KIF11: variants seen among roughly 807,000 people sequenced by gnomAD.
The protein encoded by KIF11 is kinesin family member 11.
Under a neutral mutation model 121.0 loss-of-function variants are expected in KIF11, and 9 were observed. The observed-to-expected ratio is 0.07, with a 90% CI of 0.04 to 0.13. The LOEUF is 0.13. Ranked by LOEUF, KIF11 falls within the 10% of genes least tolerant of loss-of-function variation. The pLI, the probability that KIF11 is intolerant of heterozygous loss-of-function variation, is 1.00. For synonymous variants in KIF11, 408 were observed against 421.0 expected, an observed-to-expected ratio of 0.97 and a Z score of 0.38; for missense variants, 846 against 1,217.5, an observed-to-expected ratio of 0.69 and a Z score of 4.54.
At chr10:92,597,793 A>C (rs1489835926) in intron 1 of KIF11, among the ~76,000 whole-genome samples, 1 of 151,792 alleles carries the variant, frequency 6.6e-6, no homozygotes, top group African/African-American at 2.4e-5. Context: ...CTGGGATTAC[A>C]GGCATGCGCC....
In KIF11 at chr10:92,637,254, A is replaced by G; in HGVS notation, c.1946A>G (p.Lys649Arg). The part of the protein sequence containing the change: ...ILSPTVVSIL[K>R]INSQLKHIFK... ...TCCCCAACTGTGGTGTCTATACTGA[A>G]AATCAATAGTCAACTAAAGCATATT... Residue 649 changes from lysine to arginine, a missense_variant, in exon 15 of 22, where the codon AAA becomes AGA. This residue lies in a region of KIF11 where 492 missense variants were observed against 603.4 expected (regional missense o/e 0.82). Coordinates refer to ENST00000260731, the MANE Select transcript of KIF11 (RefSeq NM_004523.4). The G allele has an allele frequency of 6.3e-7, 1 of 1,590,508 alleles. No individual in the cohort carries two copies. Among genetic ancestry groups the G allele is most frequent in the African/African-American group, 1.4e-5 (1 of 73,314 alleles).
Position 92,606,702 on chromosome 10 carries a change from T to C in KIF11, c.294T>C (p.Asn98=), listed in dbSNP as rs752983538. The change falls in exon 3 of 22, where the codon AAT becomes AAC. Residue 98 remains asparagine (N), a synonymous_variant. Coordinates refer to ENST00000260731, the MANE Select transcript of KIF11 (RefSeq NM_004523.4). The part of the protein sequence containing the change: ...PILDEVIMGY[N]CTIFAYGQTG... Reference sequence around the variant, plus strand: ...TGGATGAAGTTATTATGGGCTATAATTGCACTATCTTTGCGTAAGTAAAAG... The same window carrying C: ...TGGATGAAGTTATTATGGGCTATAACTGCACTATCTTTGCGTAAGTAAAAG... 4.0e-6 allele frequency: 6 copies of C among 1,486,852 alleles called. No homozygotes were observed. The highest frequency in any genetic ancestry group is 1.4e-5 in the African/African-American group (1 of 72,190). 92.1% of individuals were successfully genotyped at this position (1,486,852 alleles called of 1,614,324 possible).
rs1554863366 is a variant in KIF11, at chr10:92,651,507, G to GTATTTTTTTTTTTTTT, written c.3039+991_3039+992insATTTTTTTTTTTTTTT. The stretch of plus-strand genomic sequence containing the variant: ...TGTGCCACCATGCCTGGCTAATTTT[G>GTATTTTTTTTTTTTTT]TTTTTTTTTTTTTTTTTTTTTTTTT... On this transcript the variant is annotated intron_variant, in intron 21 of 21. Coordinates refer to ENST00000260731, the MANE Select transcript of KIF11 (RefSeq NM_004523.4). 1.9e-4 allele frequency among the ~76,000 whole-genome samples: 10 copies of GTATTTTTTTTTTTTTT among 52,974 alleles called. 2 individuals are homozygous for GTATTTTTTTTTTTTTT. The highest frequency in any genetic ancestry group is 9.2e-4 in the East Asian group (1 of 1,084). 34.8% of individuals were successfully genotyped at this position (52,974 alleles called of 152,430 possible). A position where few individuals can be genotyped will look rare whatever the true frequency, so the allele number is the denominator to read the frequency against.
chr10:92,615,111 A>C (rs1453217172), intron 8 of KIF11, among the ~76,000 whole-genome samples: 1 of 151,958 alleles, frequency 6.6e-6, no homozygotes, highest in Non-Finnish European at 1.5e-5. Flanking sequence ...GGATTTTAAA[A>C]AGCTTTTTTA....
At position 92,648,294 on chromosome 10, in the gene KIF11, A is replaced by G. The variant is rs567157876; in HGVS notation, c.2630A>G (p.His877Arg). The stretch of plus-strand genomic sequence containing the variant: ...CGTAAGGCAGCTCATGAGAAACAGC[A>G]TAACATTTTTCTTGATCAGATGACT... ...DGRKAAHEKQ[H>R]NIFLDQMTID... The change falls in exon 19 of 22, where the codon CAT becomes CGT. Residue 877 changes from histidine (H) to arginine (R), a missense_variant. His to Arg is a conservative substitution (Grantham distance 29). This residue lies in a region of KIF11 where 492 missense variants were observed against 603.4 expected (regional missense o/e 0.82). Coordinates refer to ENST00000260731, the MANE Select transcript of KIF11 (RefSeq NM_004523.4). 3.1e-6 allele frequency: 5 copies of G among 1,613,430 alleles called. No homozygotes were observed. The South Asian group carries it at 4.4e-5, about 14-fold the overall frequency.
intron 12 of KIF11, among the ~76,000 whole-genome samples, 168 bp downstream of exon 12, chr10:92,630,532 G>A (rs1241107012): frequency 6.6e-6 from 1 of 152,012 alleles, no homozygotes; most frequent in African/African-American, 2.4e-5. Context: ...TGGAGATGTC[G>A]ACTTATGAAA....
intron 8 of KIF11, 32 bp from the exon 9 acceptor site, chr10:92,616,705 C>G (rs1236089453): frequency 9.2e-7 from 1 of 1,083,816 alleles, no homozygotes; most frequent in African/African-American, 1.6e-5. Flanking sequence ...CTCACAATAT[C>G]TTCAGTAATT....
At chr10:92,618,987 A>G (rs371413744) in intron 9 of KIF11, among the ~76,000 whole-genome samples, 1 of 152,004 alleles carries the variant, frequency 6.6e-6, no homozygotes, top group African/African-American at 2.4e-5. Context: ...ATCATACATT[A>G]TGTAAACGTT....
At chr10:92,615,985 G>GC (rs201494681) in intron 8 of KIF11, among the ~76,000 whole-genome samples, 29,077 of 151,252 alleles carry the variant, frequency 0.19, 4,730 homozygotes, top group African/African-American at 0.44. Context: ...GATTACAGGC[G>GC]CCACCACCAT....
At chr10:92,625,478 A>T (rs1844665670) in intron 10 of KIF11, among the ~76,000 whole-genome samples, 1 of 151,562 alleles carries the variant, frequency 6.6e-6, no homozygotes, top group Admixed American at 6.6e-5. Context: ...CCTCCGAAGT[A>T]GCTGGGATTA....
chr10:92,617,246 A>G (rs1844566641), intron 9 of KIF11, among the ~76,000 whole-genome samples: 1 of 152,252 alleles, frequency 6.6e-6, no homozygotes, highest in Non-Finnish European at 1.5e-5. Flanking sequence ...CTCCTTTACA[A>G]TCATGTGGCC....
intron 9 of KIF11, among the ~76,000 whole-genome samples, chr10:92,620,625 A>T (rs1844606730): frequency 6.6e-6 from 1 of 152,192 alleles, no homozygotes; most frequent in African/African-American, 2.4e-5. Context: ...AGACTGGGCA[A>T]TTTACAAAAG....
chr10:92,640,008 C>G (rs1844847878), intron 17 of KIF11, 108 bp downstream of exon 17: 3 of 587,418 alleles, frequency 5.1e-6, no homozygotes, highest in Admixed American at 3.2e-5. Flanking sequence ...TCAAATTTCT[C>G]TTTTGTTAAT....
In KIF11 at chr10:92,637,232, C is replaced by G. The variant is rs79865214; in HGVS notation, c.1924C>G (p.Pro642Ala). The change falls in exon 15 of 22, where the codon CCA (proline) becomes GCA (alanine). Residue 642 changes from proline to alanine, a missense_variant. Pro to Ala is a conservative substitution (Grantham distance 27). Transcript: ENST00000260731. The part of the protein sequence containing the change: ...LLSSLEMILS[P>A]TVVSILKINS... The stretch of plus-strand genomic sequence containing the variant: ...AAGTTCACTGGAAATGATTTTATCC[C>G]CAACTGTGGTGTCTATACTGAAAAT... 2.6e-4 allele frequency: 417 copies of G among 1,585,094 alleles called. No individual in the cohort carries two copies. In the East Asian group the frequency reaches 7.0e-3, roughly 26 times the overall value.
At chr10:92,595,722 A>G (rs907878492) in intron 1 of KIF11, among the ~76,000 whole-genome samples, 2 of 152,094 alleles carry the variant, frequency 1.3e-5, no homozygotes, top group African/African-American at 2.4e-5. Context: ...ACATTAAACA[A>G]TAACTCCCCA....
chr10:92,645,054 G>A (rs932596074), intron 17 of KIF11, among the ~76,000 whole-genome samples: 1 of 152,218 alleles, frequency 6.6e-6, no homozygotes, highest in African/African-American at 2.4e-5. Flanking sequence ...TAGATGCCCT[G>A]AAGTAACATT....
intron 17 of KIF11, 149 bp downstream of exon 17, chr10:92,640,049 A>G (rs1266276338): frequency 6.4e-6 from 3 of 469,418 alleles, no homozygotes; most frequent in African/African-American, 2.0e-5. Context: ...ATGTATATAT[A>G]TACATGCATA....
At chr10:92,652,295 C>T (rs1352863010) in intron 21 of KIF11, among the ~76,000 whole-genome samples, 1 of 152,014 alleles carries the variant, frequency 6.6e-6, no homozygotes, top group African/African-American at 2.4e-5. Flanking sequence ...CATGCACCAC[C>T]ACACCTGGCT....
intron 16 of KIF11, 143 bp downstream of exon 16, chr10:92,637,688 A>T: frequency 2.6e-6 from 2 of 772,426 alleles, no homozygotes; most frequent in Non-Finnish European, 4.0e-6. Flanking sequence ...TGCTTATAAC[A>T]GTAATTATTG....
Sources: allele counts gnomAD v4.1 joint callset (sites outside exome capture counted in the v4.1 genomes callset), GRCh38; gene constraint gnomAD v4.1.1; regional missense constraint gnomAD v4.1.1; transcripts MANE v1.5; gene names NCBI Gene and HGNC (gene_info 2026-07-23, HGNC 2026-07-21).